Variants in CHRM5 observed in about 807,000 individuals in gnomAD.
The protein encoded by CHRM5 is muscarinic acetylcholine receptor M5.
CHRM5 carries 18 observed loss-of-function variants against 39.0 expected under a neutral mutation model. That is an observed-to-expected ratio of 0.46 (90% CI 0.32 to 0.68). The LOEUF (loss-of-function observed/expected upper bound fraction) is 0.68, where lower values mean the gene tolerates loss of function less well. Ranked by LOEUF, CHRM5 falls within the 30% of genes least tolerant of loss-of-function variation. The pLI, the probability that CHRM5 is intolerant of heterozygous loss-of-function variation, is 0.04. For synonymous variants in CHRM5, 241 were observed against 246.3 expected (o/e 0.98, Z 0.20); for missense variants, 515 against 651.1 (o/e 0.79, Z 2.28).
At chr15:33,976,198 G>A (rs747544624) in intron 1 of CHRM5, among the ~76,000 whole-genome samples, 114 of 152,092 alleles carry the variant, frequency 7.5e-4, no homozygotes, top group Non-Finnish European at 1.5e-3. Flanking sequence ...AAAAAGCCAT[G>A]TTTCAATTAT....
intron 1 of CHRM5, among the ~76,000 whole-genome samples, chr15:33,983,258 T>TTTTA (rs1896270113): frequency 6.8e-6 from 1 of 146,086 alleles, no homozygotes. Context: ...ATATATGGCT[T>TTTTA]CTTGGTAACC....
chr15:34,066,335 CATGAGA>C lies in CHRM5; in HGVS notation c.*2022_*2027del, dbSNP rs1208700447. ...TTCCTGATAAAGATGAAAACCCCTT[CATGAGA>C]ATAGGCTTTTAAGCCCATGTTGGGC... On this transcript the variant is annotated 3_prime_UTR_variant, in exon 3 of 3. Coordinates refer to ENST00000383263, the MANE Select transcript of CHRM5 (RefSeq NM_012125.4). 1 of 152,246 alleles carries C rather than the reference CATGAGA, an allele frequency of 6.6e-6. No homozygotes were observed. The highest frequency in any genetic ancestry group is 1.5e-5 in the Non-Finnish European group (1 of 68,054). 9.4% of individuals were successfully genotyped at this position (152,246 alleles called of 1,614,324 possible).
chr15:33,990,821 A>C (rs1335652105), intron 1 of CHRM5: 1 of 152,258 alleles, frequency 6.6e-6, no homozygotes, highest in African/African-American at 2.4e-5. Flanking sequence ...AATTGGATGA[A>C]AGCTGGATAC....
intron 1 of CHRM5, among the ~76,000 whole-genome samples, chr15:33,989,968 C>G (rs1320365665): frequency 6.6e-6 from 1 of 151,302 alleles, no homozygotes; most frequent in Non-Finnish European, 1.5e-5. Flanking sequence ...CTTTGGGAGG[C>G]CAAAGCAGGA....
intron 1 of CHRM5, among the ~76,000 whole-genome samples, chr15:34,043,437 A>G (rs1899560171): frequency 2.0e-5 from 3 of 152,190 alleles, no homozygotes; most frequent in Admixed American, 2.0e-4. Flanking sequence ...CTCGTGCTTA[A>G]TATATAAACA....
chr15:34,027,567 T>C (rs1278256409), intron 1 of CHRM5, among the ~76,000 whole-genome samples: 2 of 149,574 alleles, frequency 1.3e-5, no homozygotes, highest in Admixed American at 6.7e-5. Flanking sequence ...GCCTCACAAC[T>C]ATGGTAACTG....
intron 1 of CHRM5, among the ~76,000 whole-genome samples, chr15:34,025,538 G>A (rs1898417975): frequency 1.3e-5 from 2 of 152,148 alleles, no homozygotes; most frequent in East Asian, 1.9e-4. Context: ...AATAAAGGAC[G>A]TTATTGGGTC....
At chr15:34,047,451 G>T (rs898247250) in intron 2 of CHRM5, among the ~76,000 whole-genome samples, 1 of 152,176 alleles carries the variant, frequency 6.6e-6, no homozygotes, top group African/African-American at 2.4e-5. Context: ...CATACCCCTA[G>T]GAAGAGGGCT....
At chr15:34,036,416 C>T (rs1555519088) in intron 1 of CHRM5, among the ~76,000 whole-genome samples, 2 of 152,132 alleles carry the variant, frequency 1.3e-5, no homozygotes, top group Non-Finnish European at 2.9e-5. Context: ...CTTTACATGG[C>T]TAGGAGTCTA....
chr15:33,983,172 A>G lies in CHRM5; in HGVS notation c.-408+14022A>G, dbSNP rs11633070. 5.2e-3 allele frequency among the ~76,000 whole-genome samples: 487 copies of G among 93,364 alleles called. 1 individual carries two copies. The highest frequency in any genetic ancestry group is 0.029 in the African/African-American group (434 of 15,202). The allele number at this position is 93,364 out of a possible 152,430, so 61.3% of individuals were successfully genotyped here. On this transcript the variant is annotated intron_variant, in intron 1 of 2. Coordinates refer to ENST00000383263, the MANE Select transcript of CHRM5 (RefSeq NM_012125.4). ...TGTGTGTGTGTGTATGTGTGTGTGTATATATACACACGTGTGTGTATGTGT... is the reference window on the plus strand; with the variant it reads ...TGTGTGTGTGTGTATGTGTGTGTGTGTATATACACACGTGTGTGTATGTGT...
Position 34,051,451 on chromosome 15 carries a change from C to A in CHRM5, c.-76+4580C>A, listed in dbSNP as rs187976683. On this transcript the variant is annotated intron_variant, in intron 2 of 2. Transcript: ENST00000383263. Reference sequence around the variant, plus strand: ...AAAGAACTAGAGAATCAAGAGCAAACAAATTCCAAAGCTAGAAGATGACAA... The same window carrying A: ...AAAGAACTAGAGAATCAAGAGCAAAAAAATTCCAAAGCTAGAAGATGACAA... 2.0e-5 allele frequency among the ~76,000 whole-genome samples: 3 copies of A among 152,264 alleles called. No homozygotes were observed. The East Asian group carries it at 5.8e-4, about 29-fold the overall frequency.
At position 34,064,328 on chromosome 15, in the gene CHRM5, C is replaced by G. The variant is rs1309480102; in HGVS notation, c.*12C>G. 3.1e-6 allele frequency: 5 copies of G among 1,602,340 alleles called. No individual in the cohort carries two copies. The highest frequency in any genetic ancestry group is 1.3e-5 in the African/African-American group (1 of 74,454). ...GCAAGCTACCCTGAAAAGTCAACAA[C>G]TCCTCTCGAAAGAACAATGACCACA... On this transcript the variant is annotated 3_prime_UTR_variant, in exon 3 of 3. Coordinates refer to ENST00000383263, the MANE Select transcript of CHRM5 (RefSeq NM_012125.4).
chr15:34,046,027 G>A (rs1899668810), intron 1 of CHRM5, among the ~76,000 whole-genome samples: 1 of 152,160 alleles, frequency 6.6e-6, no homozygotes, highest in Non-Finnish European at 1.5e-5. Flanking sequence ...GATGAAAAAT[G>A]GGAACTGTTA....
intron 1 of CHRM5, among the ~76,000 whole-genome samples, chr15:33,990,253 G>A (rs553973639): frequency 1.4e-4 from 22 of 151,972 alleles, no homozygotes; most frequent in African/African-American, 4.3e-4. Flanking sequence ...GTTGAGGTGC[G>A]TGCCTATAGT....
At chr15:33,997,342 C>T (rs966929076) in intron 1 of CHRM5, among the ~76,000 whole-genome samples, 8 of 151,926 alleles carry the variant, frequency 5.3e-5, no homozygotes, top group African/African-American at 1.7e-4. Context: ...AACAAAATAG[C>T]CAAATGGTCA....
chr15:33,978,685 A>AAT (rs1896001689), intron 1 of CHRM5, among the ~76,000 whole-genome samples: 1 of 151,982 alleles, frequency 6.6e-6, no homozygotes, highest in Admixed American at 6.6e-5. Flanking sequence ...TAAATAAATA[A>AAT]AAATAAAAAT....
chr15:34,039,167 C>G, intron 1 of CHRM5: 1 of 872,348 alleles, frequency 1.1e-6, no homozygotes, highest in Middle Eastern at 5.4e-4. Context: ...AGCAGCGAGG[C>G]GCGGGGTGCG....
intron 1 of CHRM5, among the ~76,000 whole-genome samples, chr15:34,005,831 C>A (rs73387944): frequency 0.21 from 31,775 of 152,046 alleles, 5,124 homozygotes; most frequent in African/African-American, 0.45. Flanking sequence ...GTTCAGCCCA[C>A]AAATATCATC....
chr15:34,026,352 C>A (rs1898471736), intron 1 of CHRM5, among the ~76,000 whole-genome samples: 1 of 152,046 alleles, frequency 6.6e-6, no homozygotes, highest in South Asian at 2.1e-4. Flanking sequence ...AAGCTTTTAA[C>A]CTCAGGGTGT....
Sources: allele counts gnomAD v4.1 joint callset (sites outside exome capture counted in the v4.1 genomes callset), GRCh38; gene constraint gnomAD v4.1.1; transcripts MANE v1.5; gene names NCBI Gene and HGNC (gene_info 2026-07-23, HGNC 2026-07-21).